KHDRBS3: variants seen among roughly 807,000 people sequenced by gnomAD.
KHDRBS3 encodes KH domain-containing, RNA-binding, signal transduction-associated protein 3.
A neutral mutation model predicts 45.6 loss-of-function variants in KHDRBS3; 23 were observed. That is an observed-to-expected ratio of 0.50 (90% CI 0.36 to 0.72). KHDRBS3 has a LOEUF of 0.72. Among genes scored for constraint, KHDRBS3 ranks in the 30% least tolerant of loss-of-function variants. KHDRBS3 has a pLI of 0.00. For missense variants in KHDRBS3, 352 were observed against 424.8 expected (o/e 0.83, Z 1.51); for synonymous variants, 162 against 156.5 (o/e 1.04, Z -0.26).
rs1439596969 is a variant in KHDRBS3, at chr8:135,512,493, TG to T, written c.89-8743del. On this transcript the variant is annotated intron_variant, in intron 1 of 8. Coordinates refer to ENST00000355849, the MANE Select transcript of KHDRBS3 (RefSeq NM_006558.3). ...CACACTAGTAGGTCATTGTGCAGGCTGATTTGAATTATTCAGTTATTTTCTG... is the reference window on the plus strand; with the variant it reads ...CACACTAGTAGGTCATTGTGCAGGCTATTTGAATTATTCAGTTATTTTCTG... Among the ~76,000 whole-genome samples the T allele has an allele frequency of 6.7e-5, 10 of 149,834 alleles. No homozygotes were observed. The East Asian group carries it at 1.8e-3, about 27-fold the overall frequency.
Position 135,625,569 on chromosome 8 carries a change from G to C in KHDRBS3, c.890+18532G>C, listed in dbSNP as rs560439940. ...TTCAGAGCTGGAGCAACGAGAGAGG[G>C]AGCCACTGCAGTTTCTTGACCTTGT... is the stretch of plus-strand genomic sequence containing the variant. On this transcript the variant is annotated intron_variant, in intron 7 of 8. Transcript: ENST00000355849. 7.0e-4 allele frequency: 659 copies of C among 947,906 alleles called. 9 individuals are homozygous for C. The South Asian group carries it at 7.7e-3, about 11-fold the overall frequency. 58.7% of individuals were successfully genotyped at this position (947,906 alleles called of 1,614,324 possible).
intron 2 of KHDRBS3, among the ~76,000 whole-genome samples, chr8:135,521,672 C>T (rs1375482531): frequency 6.6e-6 from 1 of 152,116 alleles, no homozygotes; most frequent in Admixed American, 6.5e-5. Context: ...ATGAGATAAT[C>T]TGTGTTAAAT....
At chr8:135,569,873 C>T (rs1291688525) in intron 5 of KHDRBS3, among the ~76,000 whole-genome samples, 3 of 152,148 alleles carry the variant, frequency 2.0e-5, no homozygotes, top group Non-Finnish European at 4.4e-5. Context: ...GCCTGGTCCC[C>T]TCTGTCTTTT....
chr8:135,467,853 T>C (rs1181209018), intron 1 of KHDRBS3, among the ~76,000 whole-genome samples: 1 of 152,248 alleles, frequency 6.6e-6, no homozygotes, highest in African/African-American at 2.4e-5. Flanking sequence ...TAAATAAATA[T>C]CCTGCTCCTC....
downstream of KHDRBS3, among the ~76,000 whole-genome samples, chr8:135,650,900 C>T (rs1332651062): frequency 1.3e-5 from 2 of 152,180 alleles, no homozygotes; most frequent in African/African-American, 4.8e-5. Context: ...AAGTCAGTAT[C>T]ATTATTTACT....
chr8:135,520,706 A>G (rs1287973085), intron 1 of KHDRBS3, among the ~76,000 whole-genome samples: 1 of 152,238 alleles, frequency 6.6e-6, no homozygotes, highest in Non-Finnish European at 1.5e-5. Flanking sequence ...AGCGAAGAGC[A>G]TTAGTAAAGA....
rs531927506 is a variant in KHDRBS3, at chr8:135,589,848, G to A, written c.807+7775G>A. Among the ~76,000 whole-genome samples, 13 of 152,318 alleles carry A rather than the reference G, an allele frequency of 8.5e-5. No homozygotes were observed. In the East Asian group the frequency reaches 2.3e-3, roughly 27 times the overall value. On this transcript the variant is annotated intron_variant, in intron 6 of 8. Coordinates refer to ENST00000355849, the MANE Select transcript of KHDRBS3 (RefSeq NM_006558.3). ...TCAACGCCAACTAATTCTGTGTCGTGCCATGTGTTATGTATACTTTTCAGC... is the reference window on the plus strand; with the variant it reads ...TCAACGCCAACTAATTCTGTGTCGTACCATGTGTTATGTATACTTTTCAGC...
At chr8:135,634,114 G>A (rs982328297) in intron 7 of KHDRBS3, among the ~76,000 whole-genome samples, 13 of 152,160 alleles carry the variant, frequency 8.5e-5, no homozygotes, top group Admixed American at 3.9e-4. Flanking sequence ...TCTTAAAATA[G>A]GATTCTGTTG....
chr8:135,633,382 A>G (rs1247279188), intron 7 of KHDRBS3, among the ~76,000 whole-genome samples: 3 of 152,198 alleles, frequency 2.0e-5, no homozygotes, highest in Non-Finnish European at 2.9e-5. Context: ...ATAATTAACA[A>G]CAAGGCTTCA....
chr8:135,478,846 A>G (rs758165766), intron 1 of KHDRBS3, among the ~76,000 whole-genome samples: 1 of 152,226 alleles, frequency 6.6e-6, no homozygotes, highest in Non-Finnish European at 1.5e-5. Flanking sequence ...GAAAAGCCCT[A>G]TATTAAAAAT....
intron 6 of KHDRBS3, among the ~76,000 whole-genome samples, chr8:135,596,743 G>T (rs1257317623): frequency 1.3e-5 from 2 of 152,146 alleles, no homozygotes; most frequent in African/African-American, 4.8e-5. Context: ...TAGAAAAATA[G>T]ACATTTTGTA....
intron 1 of KHDRBS3, among the ~76,000 whole-genome samples, chr8:135,472,288 A>T (rs1822055846): frequency 1.3e-5 from 2 of 152,114 alleles, no homozygotes; most frequent in South Asian, 4.1e-4. Context: ...GCCCACGTAC[A>T]TACCTTCACT....
chr8:135,552,148 G>C (rs539972145), intron 4 of KHDRBS3, among the ~76,000 whole-genome samples: 1 of 152,084 alleles, frequency 6.6e-6, no homozygotes, highest in East Asian at 1.9e-4. Context: ...GCTAAGCTTT[G>C]TGCATCTGTA....
intron 7 of KHDRBS3, among the ~76,000 whole-genome samples, chr8:135,642,628 C>A (rs1831109998): frequency 1.3e-5 from 2 of 152,088 alleles, no homozygotes; most frequent in Admixed American, 6.5e-5. Flanking sequence ...CTTAACACAG[C>A]CCATTTCAGA....
At chr8:135,526,944 T>C (rs1825219648) in intron 2 of KHDRBS3, among the ~76,000 whole-genome samples, 1 of 152,100 alleles carries the variant, frequency 6.6e-6, no homozygotes, top group Non-Finnish European at 1.5e-5. Flanking sequence ...TTTTTTTTTT[T>C]TGCAGATAAA....
intron 5 of KHDRBS3, among the ~76,000 whole-genome samples, chr8:135,565,126 C>T (rs1827349586): frequency 1.3e-5 from 2 of 152,128 alleles, no homozygotes; most frequent in African/African-American, 2.4e-5. Flanking sequence ...AGACCAGTGG[C>T]GGTGGACTCA....
chr8:135,542,592 T>C, intron 2 of KHDRBS3, 62 bp from the exon 3 acceptor site: 1 of 1,052,514 alleles, frequency 9.5e-7, no homozygotes, highest in Non-Finnish European at 1.5e-6. Flanking sequence ...TTCTTAACAT[T>C]CAAGATTAAG....
chr8:135,461,304 T>C (rs1278513788), intron 1 of KHDRBS3, among the ~76,000 whole-genome samples: 1 of 151,966 alleles, frequency 6.6e-6, no homozygotes, highest in Non-Finnish European at 1.5e-5. Context: ...GGGGTTTCAC[T>C]GTGTTGGCCA....
chr8:135,506,074 A>G (rs1460984851), intron 1 of KHDRBS3, among the ~76,000 whole-genome samples: 5 of 152,128 alleles, frequency 3.3e-5, no homozygotes, highest in African/African-American at 1.2e-4. Flanking sequence ...ACTGGCATAG[A>G]TGGCTTGTTT....
Sources: gnomAD v4.1 joint callset for allele counts (sites outside exome capture counted in the v4.1 genomes callset) on GRCh38, gnomAD v4.1.1 for gene constraint, MANE v1.5 for transcripts, NCBI Gene and HGNC (gene_info 2026-07-23, HGNC 2026-07-21) for gene names.